Variants in KCNK4 observed in about 807,000 individuals in gnomAD.
KCNK4 encodes the protein potassium two pore domain channel subfamily K member 4.
A neutral mutation model predicts 28.8 loss-of-function variants in KCNK4; 22 were observed. The ratio of observed to expected loss-of-function variants is 0.76; its 90% confidence interval spans 0.55 to 1.09. The LOEUF (loss-of-function observed/expected upper bound fraction) is 1.09. Ranked by LOEUF, KCNK4 falls within the 50% of genes least tolerant of loss-of-function variation. The probability of loss-of-function intolerance (pLI) is 0.00; values close to 1 mark genes in which losing one functional copy is unlikely to be tolerated. For synonymous variants in KCNK4, 263 were observed against 252.9 expected (o/e 1.04, Z -0.38); for missense variants, 483 against 546.3 (o/e 0.88, Z 1.15).
intron 1 of KCNK4, chr11:64,292,680 C>T (rs2034662439): frequency 9.1e-6 from 2 of 220,170 alleles, no homozygotes. Flanking sequence ...TCTCTTTCGG[C>T]CTCCCACTCG....
Position 64,297,235 on chromosome 11 carries a change from T to TCC in KCNK4, c.431_432dup (p.Ser145ProfsTer15). On this transcript the variant is annotated frameshift_variant, in exon 4 of 7. Coordinates refer to ENST00000422670, the MANE Select transcript of KCNK4 (RefSeq NM_033310.3). LOFTEE classifies it high-confidence loss of function. ...GGCAGGGGTCGGGGACCGGCTGGGCTCCTCCCTGCGCCATGGCATCGGTCA... is the reference window on the plus strand; with the variant it reads ...GGCAGGGGTCGGGGACCGGCTGGGCTCCCCTCCCTGCGCCATGGCATCGGTCA... 6.2e-7 allele frequency: 1 copy of TCC among 1,613,838 alleles called. No homozygotes were observed. The highest frequency in any genetic ancestry group is 2.2e-5 in the East Asian group (1 of 44,872).
rs764897099 is a variant in KCNK4, at chr11:64,296,969, T to C, written c.281T>C (p.Phe94Ser). The stretch of plus-strand genomic sequence containing the variant: ...TCAGCCTGGGACCTGGGCAGCGCCT[T>C]CTTTTTCTCAGGGACCATCATCACC... ...SHSAWDLGSA[F>S]FFSGTIITTI... Residue 94 changes from phenylalanine to serine, a missense_variant, in exon 3 of 7, where the codon TTC (phenylalanine) becomes TCC (serine). By Grantham distance (155) the Phe-to-Ser change is radical (BLOSUM62 -2). Coordinates refer to ENST00000422670, the MANE Select transcript of KCNK4 (RefSeq NM_033310.3). 6.6e-7 allele frequency: 1 copy of C among 1,523,384 alleles called. No homozygotes were observed. 94.4% of individuals were successfully genotyped at this position (1,523,384 alleles called of 1,614,324 possible). A position where few individuals can be genotyped will look rare whatever the true frequency, so the allele number is the denominator to read the frequency against.
intron 6 of KCNK4, among the ~76,000 whole-genome samples, 178 bp from the exon 7 acceptor site, chr11:64,299,168 C>T (rs1373823831): frequency 1.3e-5 from 2 of 151,824 alleles, no homozygotes; most frequent in Admixed American, 1.3e-4. Flanking sequence ...TGTATTTTGC[C>T]ACCCTGCTGG....
At chr11:64,297,835 C>T (rs902012615) in intron 5 of KCNK4, among the ~76,000 whole-genome samples, 182 bp downstream of exon 5, 1 of 152,220 alleles carries the variant, frequency 6.6e-6, no homozygotes, top group African/African-American at 2.4e-5. Flanking sequence ...TTCTTATATG[C>T]TTGAGTCCCA....
At chr11:64,297,324 T>G (rs751846386) in intron 4 of KCNK4, 45 bp downstream of exon 4, 10 of 1,587,126 alleles carry the variant, frequency 6.3e-6, no homozygotes, top group Non-Finnish European at 8.6e-6. Flanking sequence ...GGGCTCCGGC[T>G]ACCCTTCCCC....
At chr11:64,294,146 C>T (rs2034708739) in intron 2 of KCNK4, among the ~76,000 whole-genome samples, 1 of 152,134 alleles carries the variant, frequency 6.6e-6, no homozygotes. Context: ...CCCCAGCATG[C>T]ATGCTTACCA....
At chr11:64,294,564 A>T (rs2034719725) in intron 2 of KCNK4, among the ~76,000 whole-genome samples, 2 of 150,198 alleles carry the variant, frequency 1.3e-5, no homozygotes, top group African/African-American at 4.9e-5. Context: ...GCCTTCTGGG[A>T]TACAGTCAGG....
chr11:64,295,666 T>C (rs1213343094), intron 2 of KCNK4, among the ~76,000 whole-genome samples: 3 of 149,340 alleles, frequency 2.0e-5, no homozygotes, highest in Non-Finnish European at 3.0e-5. Flanking sequence ...GGGTGCCAAA[T>C]TGGAGTCCCA....
chr11:64,298,780 T>G (rs999595699), intron 6 of KCNK4, among the ~76,000 whole-genome samples: 2 of 152,050 alleles, frequency 1.3e-5, no homozygotes, highest in African/African-American at 4.8e-5. Context: ...CAGTGGCTCA[T>G]GCTTGTAATC....
chr11:64,299,005 C>T (rs1317709633), intron 6 of KCNK4, among the ~76,000 whole-genome samples: 1 of 137,014 alleles, frequency 7.3e-6, no homozygotes, highest in Non-Finnish European at 1.5e-5. Flanking sequence ...CACACCACTG[C>T]ACCCCAGCCG....
intron 1 of KCNK4, 29 bp from the exon 2 acceptor site, chr11:64,292,913 G>T: frequency 6.9e-7 from 1 of 1,439,764 alleles, no homozygotes; most frequent in South Asian, 1.5e-5. Flanking sequence ...CCAGCTCAGT[G>T]ACCCCAGCAT....
intron 6 of KCNK4, 44 bp downstream of exon 6, chr11:64,298,293 A>C (rs2034830254): frequency 6.2e-7 from 1 of 1,605,664 alleles, no homozygotes; most frequent in East Asian, 2.2e-5. Context: ...ACTGTGGTGC[A>C]AATGTGCTGT....
At chr11:64,293,298 C>A in intron 2 of KCNK4, 91 bp downstream of exon 2, 1 of 1,324,022 alleles carries the variant, frequency 7.6e-7, no homozygotes, top group Non-Finnish European at 9.9e-7. Flanking sequence ...GTGCTGCTTT[C>A]AGATCAGTAT....
Position 64,299,875 on chromosome 11 carries a change from C to G in KCNK4, c.*149C>G. 6.8e-7 allele frequency: 1 copy of G among 1,460,936 alleles called. No individual in the cohort carries two copies. Among genetic ancestry groups the G allele is most frequent in the Non-Finnish European group, 9.2e-7 (1 of 1,082,452 alleles). 90.5% of individuals were successfully genotyped at this position (1,460,936 alleles called of 1,614,324 possible). A position where few individuals can be genotyped will look rare whatever the true frequency, so the allele number is the denominator to read the frequency against. On this transcript the variant is annotated 3_prime_UTR_variant, in exon 7 of 7. Coordinates refer to ENST00000422670, the MANE Select transcript of KCNK4 (RefSeq NM_033310.3). ...CTCTCCGCCTCCTCCCTGGCCCCGGCCCTTCCCTCACTTCCATCCATCTCT... is the reference window on the plus strand; with the variant it reads ...CTCTCCGCCTCCTCCCTGGCCCCGGGCCTTCCCTCACTTCCATCCATCTCT...
Position 64,299,893 on chromosome 11 carries a change from C to A in KCNK4, c.*167C>A. The A allele has an allele frequency of 3.0e-6, 4 of 1,343,740 alleles. No homozygotes were observed. The highest frequency in any genetic ancestry group is 3.1e-6 in the Non-Finnish European group (3 of 979,490). The allele number at this position is 1,343,740 out of a possible 1,614,324, so 83.2% of individuals were successfully genotyped here. A position where few individuals can be genotyped will look rare whatever the true frequency, so the allele number is the denominator to read the frequency against. On this transcript the variant is annotated 3_prime_UTR_variant, in exon 7 of 7. Transcript: ENST00000422670. ...GCCCCGGCCCTTCCCTCACTTCCATCCATCTCTAGACCCCCCCAAGGCTTT... is the reference window on the plus strand; with the variant it reads ...GCCCCGGCCCTTCCCTCACTTCCATACATCTCTAGACCCCCCCAAGGCTTT...
chr11:64,294,567 C>G (rs962538454), intron 2 of KCNK4, among the ~76,000 whole-genome samples: 2 of 148,328 alleles, frequency 1.3e-5, no homozygotes, highest in Non-Finnish European at 3.0e-5. Flanking sequence ...TTCTGGGATA[C>G]AGTCAGGCAG....
intron 4 of KCNK4, 77 bp downstream of exon 4, chr11:64,297,356 G>GC (rs781504077): frequency 8.7e-4 from 1,373 of 1,572,866 alleles, no homozygotes; most frequent in Non-Finnish European, 1.1e-3. Context: ...ACATGAGCGC[G>GC]CCCCCAAAGA....
intron 2 of KCNK4, among the ~76,000 whole-genome samples, chr11:64,293,475 AAATG>A (rs34033338): frequency 4.0e-5 from 6 of 151,260 alleles, no homozygotes; most frequent in South Asian, 2.1e-4. Context: ...GATGAGGGGG[AAATG>A]AATGAATGAA....
At chr11:64,297,027 G>A in intron 3 of KCNK4, 26 bp downstream of exon 3, 1 of 1,576,192 alleles carries the variant, frequency 6.3e-7, no homozygotes, top group Non-Finnish European at 8.6e-7. Flanking sequence ...GGCATGTGGG[G>A]GGCGGCAAGG....
Sources: allele counts gnomAD v4.1 joint callset (sites outside exome capture counted in the v4.1 genomes callset), GRCh38; gene constraint gnomAD v4.1.1; transcripts MANE v1.5; gene names NCBI Gene and HGNC (gene_info 2026-07-23, HGNC 2026-07-21).